The following PDE7B variants were observed in gnomAD, a reference collection of about 807,000 sequenced individuals.
PDE7B encodes 3',5'-cyclic-AMP phosphodiesterase 7B.
In PDE7B, 29 loss-of-function variants were observed where a neutral mutation model predicts 56.2. The observed-to-expected ratio is 0.52, with a 90% confidence interval of 0.38 to 0.70. PDE7B has a LOEUF of 0.70. Among genes scored for constraint, PDE7B ranks in the 30% least tolerant of loss-of-function variants. The probability of loss-of-function intolerance (pLI) is 0.00; values close to 1 mark genes in which losing one functional copy is unlikely to be tolerated. For synonymous variants in PDE7B, 197 were observed against 196.9 expected, an observed-to-expected ratio of 1.00 and a Z score of 0.00; for missense variants, 490 against 565.0, an observed-to-expected ratio of 0.87 and a Z score of 1.35.
chr6:135,865,851 C>T (rs1171443646), intron 1 of PDE7B, among the ~76,000 whole-genome samples: 1 of 152,038 alleles, frequency 6.6e-6, no homozygotes, highest in Non-Finnish European at 1.5e-5. Context: ...AAGTCTGCAG[C>T]TATTCATTTT....
intron 2 of PDE7B, among the ~76,000 whole-genome samples, chr6:136,003,228 A>G (rs965577423): frequency 2.0e-5 from 3 of 152,046 alleles, no homozygotes; most frequent in African/African-American, 7.2e-5. Flanking sequence ...TTATAGCACT[A>G]AATGCCCACA....
chr6:135,961,376 A>G (rs1306820896), intron 2 of PDE7B, among the ~76,000 whole-genome samples: 1 of 151,522 alleles, frequency 6.6e-6, no homozygotes, highest in Non-Finnish European at 1.5e-5. Flanking sequence ...TCCTCCTACC[A>G]GCTGTGTACA....
At chr6:136,146,016 T>G (rs1778407531) in intron 3 of PDE7B, among the ~76,000 whole-genome samples, 1 of 152,210 alleles carries the variant, frequency 6.6e-6, no homozygotes, top group Non-Finnish European at 1.5e-5. Context: ...CCAGACCTGG[T>G]CCACCTATAG....
At chr6:136,055,266 T>C (rs928551296) in intron 2 of PDE7B, among the ~76,000 whole-genome samples, 2 of 152,166 alleles carry the variant, frequency 1.3e-5, no homozygotes, top group African/African-American at 4.8e-5. Context: ...GTGTGGGGAG[T>C]GAGAAGGGCA....
chr6:136,031,717 C>T (rs1170886021), intron 2 of PDE7B, among the ~76,000 whole-genome samples: 1 of 127,770 alleles, frequency 7.8e-6, no homozygotes, highest in Non-Finnish European at 1.6e-5. Flanking sequence ...CCAGCCTGGG[C>T]GACAGAGCGA....
chr6:136,062,546 C>A lies in PDE7B; in HGVS notation c.83-46185C>A, dbSNP rs147424495. Among the ~76,000 whole-genome samples, 82 of 152,288 alleles carry A rather than the reference C, an allele frequency of 5.4e-4. No homozygotes were observed. In the East Asian group the frequency reaches 5.6e-3, roughly 10 times the overall value. ...TCTCCAGAATATATTCATCTTACAG[C>A]TGAAAGTTTGTACCCTTTTATCTTA... On this transcript the variant is annotated intron_variant, in intron 2 of 12. Coordinates refer to ENST00000308191, the MANE Select transcript of PDE7B (RefSeq NM_018945.4).
chr6:136,075,653 A>C (rs768725304), intron 2 of PDE7B, among the ~76,000 whole-genome samples: 2 of 152,182 alleles, frequency 1.3e-5, no homozygotes, highest in Non-Finnish European at 2.9e-5. Flanking sequence ...ATACTGTTTC[A>C]TGGCCATCTC....
intron 2 of PDE7B, among the ~76,000 whole-genome samples, chr6:136,023,938 C>G (rs1776111258): frequency 6.6e-6 from 1 of 152,060 alleles, no homozygotes; most frequent in Non-Finnish European, 1.5e-5. Flanking sequence ...AGAGCATTAT[C>G]TATTTAGCAA....
At position 135,943,913 on chromosome 6, in the gene PDE7B, C is replaced by T. The variant is rs562858455; in HGVS notation, c.22-3551C>T. On this transcript the variant is annotated intron_variant, in intron 1 of 12. Coordinates refer to ENST00000308191, the MANE Select transcript of PDE7B (RefSeq NM_018945.4). ...AGGAGATCATGTGCCAGCAGGATCC[C>T]TCTGTTGCTAGCAGAGATCCAGCCC... is the stretch of plus-strand genomic sequence containing the variant. Among the ~76,000 whole-genome samples the T allele has an allele frequency of 5.9e-5, 9 of 152,280 alleles. No homozygotes were observed. In the South Asian group the frequency reaches 1.9e-3, roughly 32 times the overall value.
intron 2 of PDE7B, among the ~76,000 whole-genome samples, chr6:136,063,461 G>T (rs749605842): frequency 2.0e-5 from 3 of 152,080 alleles, no homozygotes; most frequent in Non-Finnish European, 4.4e-5. Flanking sequence ...CACCACCTTG[G>T]TAAGTCAGGA....
chr6:135,966,274 T>A (rs1159663419), intron 2 of PDE7B, among the ~76,000 whole-genome samples: 1 of 152,178 alleles, frequency 6.6e-6, no homozygotes, highest in South Asian at 2.1e-4. Flanking sequence ...CTAGTTTTAA[T>A]GAAGGGGGCT....
intron 2 of PDE7B, among the ~76,000 whole-genome samples, chr6:135,963,801 T>C (rs1774946885): frequency 6.6e-6 from 1 of 152,208 alleles, no homozygotes; most frequent in African/African-American, 2.4e-5. Flanking sequence ...GATTTGTCTT[T>C]AGAGTGACTT....
intron 1 of PDE7B, among the ~76,000 whole-genome samples, chr6:135,872,139 C>T (rs1019000100): frequency 3.3e-5 from 5 of 152,154 alleles, no homozygotes; most frequent in African/African-American, 1.2e-4. Context: ...TTTTTAAAGG[C>T]TTGGTGCTTG....
chr6:136,012,934 T>C (rs1029475953), intron 2 of PDE7B, among the ~76,000 whole-genome samples: 10 of 152,190 alleles, frequency 6.6e-5, no homozygotes, highest in African/African-American at 2.4e-4. Flanking sequence ...ATTAGCCCCA[T>C]TCTACAGTTA....
chr6:136,159,773 G>C (rs1778672553), intron 8 of PDE7B, among the ~76,000 whole-genome samples: 1 of 152,146 alleles, frequency 6.6e-6, no homozygotes, highest in Non-Finnish European at 1.5e-5. Context: ...TCTGGTTCCT[G>C]GTACCCCAGA....
chr6:136,057,778 C>T (rs929890762), intron 2 of PDE7B, among the ~76,000 whole-genome samples: 17 of 152,066 alleles, frequency 1.1e-4, no homozygotes, highest in Non-Finnish European at 1.5e-5. Context: ...GTTCTGTCAC[C>T]CAGGCTGGAG....
chr6:135,903,893 G>A (rs1776049776), intron 1 of PDE7B, among the ~76,000 whole-genome samples: 1 of 152,108 alleles, frequency 6.6e-6, no homozygotes, highest in Non-Finnish European at 1.5e-5. Flanking sequence ...AACATTAGAA[G>A]GTGAAATATA....
At chr6:135,966,719 G>A (rs1010399372) in intron 2 of PDE7B, among the ~76,000 whole-genome samples, 3 of 152,110 alleles carry the variant, frequency 2.0e-5, no homozygotes, top group Admixed American at 1.3e-4. Context: ...GAGAATACCA[G>A]CATTTCTCTA....
intron 1 of PDE7B, among the ~76,000 whole-genome samples, chr6:135,890,687 A>G (rs1303328504): frequency 6.6e-6 from 1 of 152,184 alleles, no homozygotes; most frequent in Admixed American, 6.5e-5. Context: ...AGTCACTATA[A>G]ACTCACCTAT....
Sources: gnomAD v4.1 joint callset for allele counts (sites outside exome capture counted in the v4.1 genomes callset) on GRCh38, gnomAD v4.1.1 for gene constraint, MANE v1.5 for transcripts, NCBI Gene and HGNC (gene_info 2026-07-23, HGNC 2026-07-21) for gene names.